Variants in KCNQ2 observed in about 807,000 individuals in gnomAD.
KCNQ2 encodes the protein potassium voltage-gated channel subfamily Q member 2, also known as potassium voltage-gated channel subfamily KQT member 2.
KCNQ2 carries 14 observed loss-of-function variants against 84.8 expected under a neutral mutation model. That is an observed-to-expected ratio of 0.17 (90% CI 0.11 to 0.26). The LOEUF is 0.26. Ranked by LOEUF, KCNQ2 falls within the 10% of genes least tolerant of loss-of-function variation. The pLI, the probability that KCNQ2 is intolerant of heterozygous loss-of-function variation, is 1.00. For synonymous variants in KCNQ2, 599 were observed against 554.1 expected, an observed-to-expected ratio of 1.08 and a Z score of -1.14; for missense variants, 788 against 1,254.0, an observed-to-expected ratio of 0.63 and a Z score of 5.61.
At chr20:63,420,583 G>A (rs2080437557) in intron 11 of KCNQ2, among the ~76,000 whole-genome samples, 1 of 151,890 alleles carries the variant, frequency 6.6e-6, no homozygotes, top group Non-Finnish European at 1.5e-5. Context: ...AAAGCACCCA[G>A]CCTCCCGTCT....
At chr20:63,454,406 C>T (rs1238300280) in intron 1 of KCNQ2, among the ~76,000 whole-genome samples, 9 of 152,210 alleles carry the variant, frequency 5.9e-5, no homozygotes, top group South Asian at 2.1e-4. Flanking sequence ...GGCAGAGAGA[C>T]GGACGTGCGA....
chr20:63,443,218 TGATCAC>T (rs2145757755), intron 4 of KCNQ2, among the ~76,000 whole-genome samples: 1 of 54,176 alleles, frequency 1.8e-5, no homozygotes, highest in South Asian at 6.9e-4. Context: ...ACCACCACCA[TGATCAC>T]CACCATCACC....
In KCNQ2 at chr20:63,429,116, G is replaced by T. The variant is rs920442280; in HGVS notation, c.1149-681C>A. 2.6e-5 allele frequency among the ~76,000 whole-genome samples: 4 copies of T among 151,698 alleles called. No individual in the cohort carries two copies. In the East Asian group the frequency reaches 5.9e-4, roughly 22 times the overall value. On this transcript the variant is annotated intron_variant, in intron 9 of 16. Transcript: ENST00000359125. The stretch of plus-strand genomic sequence containing the variant: ...GGGCCCGCCGAAGCCCCCCAGGCAG[G>T]TATGCAGGCACCTCCTCACGTCTGG...
intron 12 of KCNQ2, among the ~76,000 whole-genome samples, chr20:63,415,545 C>G (rs1325992641): frequency 6.7e-6 from 1 of 149,196 alleles, no homozygotes; most frequent in South Asian, 2.2e-4. Flanking sequence ...AGACACTGAG[C>G]ACCCGGCGGG....
At chr20:63,426,036 T>C (rs897046444) in intron 10 of KCNQ2, among the ~76,000 whole-genome samples, 1 of 152,206 alleles carries the variant, frequency 6.6e-6, no homozygotes, top group Non-Finnish European at 1.5e-5. Context: ...CGCCGGCCTC[T>C]GCGGGAGCCT....
chr20:63,406,513 C>T lies in KCNQ2; in HGVS notation c.*131G>A, dbSNP rs1165149322. 113 of 1,132,852 alleles carry T rather than the reference C, an allele frequency of 1.0e-4. 1 individual carries two copies. The South Asian group carries it at 1.8e-3, about 18-fold the overall frequency. The allele number at this position is 1,132,852 out of a possible 1,614,324, so 70.2% of individuals were successfully genotyped here. ...CCCCCATCCTTCAGCCCACATGGGC[C>T]CCTCCAGGGCCCACCCTTCCCGCCA... On this transcript the variant is annotated 3_prime_UTR_variant, in exon 17 of 17. Transcript: ENST00000359125.
chr20:63,443,410 CACCAT>C (rs2081311539), intron 4 of KCNQ2, among the ~76,000 whole-genome samples: 1 of 55,362 alleles, frequency 1.8e-5, no homozygotes, highest in Non-Finnish European at 4.3e-5. Context: ...TCACCACCAT[CACCAT>C]CACCACCATC....
At chr20:63,469,227 C>T (rs1168613241) in intron 1 of KCNQ2, among the ~76,000 whole-genome samples, 1 of 152,210 alleles carries the variant, frequency 6.6e-6, no homozygotes, top group East Asian at 1.9e-4. Flanking sequence ...TCTGCTAGTT[C>T]GGGCCATTTC....
rs1289849663 is a variant in KCNQ2 at position 63,405,030 on chromosome 20, G to T, written c.*1614C>A. ...GCTCCCCGAACACCCTGAGCGCCAG[G>T]ACCCCCACCAGCCAGGGGCGTACGA... On this transcript the variant is annotated 3_prime_UTR_variant, in exon 17 of 17. Transcript: ENST00000359125. 1 of 152,330 alleles carries T rather than the reference G, an allele frequency of 6.6e-6. No homozygotes were observed. Among genetic ancestry groups the T allele is most frequent in the Admixed American group, 6.5e-5 (1 of 15,284 alleles). 9.4% of individuals were successfully genotyped at this position (152,330 alleles called of 1,614,324 possible).
chr20:63,445,634 C>CCGGGCTAGGGGACCCTGTCTGAGCTG, intron 2 of KCNQ2: 2 of 442,990 alleles, frequency 4.5e-6, no homozygotes, highest in Non-Finnish European at 4.1e-6. Flanking sequence ...GGGACTCTAT[C>CCGGGCTAGGGGACCCTGTCTGAGCTG]TGGGCTAGGG....
intron 11 of KCNQ2, among the ~76,000 whole-genome samples, chr20:63,420,727 C>T (rs1462001734): frequency 6.6e-6 from 1 of 152,118 alleles, no homozygotes; most frequent in African/African-American, 2.4e-5. Flanking sequence ...GGGCTCTGGA[C>T]CCTTCCCCAA....
Position 63,419,568 on chromosome 20 carries a change from G to A in KCNQ2, c.1301+51C>T, listed in dbSNP as rs1300228964. ...CAGAACCTCTAGTAAGCAGGGAGGG[G>A]CAGAGGAGCCGTGCAGCAGCCGTCA... On this transcript the variant is annotated intron_variant, in intron 12 of 16. Coordinates refer to ENST00000359125, the MANE Select transcript of KCNQ2 (RefSeq NM_172107.4). 6 of 1,554,032 alleles carry A rather than the reference G, an allele frequency of 3.9e-6. No individual in the cohort carries two copies. In the Admixed American group the frequency reaches 7.5e-5, roughly 19 times the overall value.
At position 63,406,890 on chromosome 20, in the gene KCNQ2, C is replaced by T. The variant is rs749958721; in HGVS notation, c.2373G>A (p.Pro791=). ...GCTCCAGCTCCTCGTGGTCCACGGA[C>T]GGGATGGAGATGGACGTGTCGCTGT... ...LRDSDTSISI[P]SVDHEELERS... Residue 791 remains proline (P), a synonymous_variant, in exon 17 of 17, where the codon CCG becomes CCA. Transcript: ENST00000359125. The T allele has an allele frequency of 1.6e-5, 26 of 1,611,652 alleles. No homozygotes were observed. Among genetic ancestry groups the T allele is most frequent in the African/African-American group, 6.7e-5 (5 of 74,934 alleles).
intron 7 of KCNQ2, among the ~76,000 whole-genome samples, chr20:63,435,142 C>T (rs2080955721): frequency 6.6e-6 from 1 of 152,182 alleles, no homozygotes; most frequent in Non-Finnish European, 1.5e-5. Context: ...AGGCTCACAA[C>T]ACCTTGGAGG....
Position 63,460,512 on chromosome 20 carries a change from T to G in KCNQ2, c.296+11656A>C, listed in dbSNP as rs1325772756. ...TCCCAAGCAGGCCAGTGCCCTCAGC[T>G]GGTCCACGGCTCACAGCTCCAGTCC... is the stretch of plus-strand genomic sequence containing the variant. On this transcript the variant is annotated intron_variant, in intron 1 of 16. Transcript: ENST00000359125. This position sits in a 1 kb window ranked among gnomAD's most constrained non-coding sequence, Gnocchi z 5.4. Among the ~76,000 whole-genome samples, 1 of 143,268 alleles carries G rather than the reference T, an allele frequency of 7.0e-6. No individual in the cohort carries two copies. The highest frequency in any genetic ancestry group is 2.7e-5 in the African/African-American group (1 of 37,156). 94.0% of individuals were successfully genotyped at this position (143,268 alleles called of 152,430 possible).
At chr20:63,428,130 C>T (rs1480552183) in intron 10 of KCNQ2, among the ~76,000 whole-genome samples, 1 of 152,216 alleles carries the variant, frequency 6.6e-6, no homozygotes, top group East Asian at 1.9e-4. Context: ...CCATATCAAC[C>T]TTCGCCCCTC....
chr20:63,426,275 T>C (rs1601609475), intron 10 of KCNQ2, among the ~76,000 whole-genome samples: 1 of 152,344 alleles, frequency 6.6e-6, no homozygotes, highest in East Asian at 1.9e-4. Flanking sequence ...CTGCACATCC[T>C]TCCCGATAGC....
At chr20:63,467,804 C>T (rs1027271800) in intron 1 of KCNQ2, among the ~76,000 whole-genome samples, 6 of 152,230 alleles carry the variant, frequency 3.9e-5, no homozygotes, top group Admixed American at 2.0e-4. Flanking sequence ...AGGATTCCCA[C>T]GTGGTCAGCA....
intron 1 of KCNQ2, among the ~76,000 whole-genome samples, chr20:63,467,328 C>G (rs1234153264): frequency 1.3e-5 from 2 of 152,258 alleles, no homozygotes; most frequent in African/African-American, 4.8e-5. Flanking sequence ...TCTCCCCACA[C>G]TGGAAGCAGC....
Sources: gnomAD v4.1 joint callset for allele counts (sites outside exome capture counted in the v4.1 genomes callset) on GRCh38, gnomAD v4.1.1 for gene constraint, Gnocchi (gnomAD v3.1) non-coding constraint, MANE v1.5 for transcripts, NCBI Gene and HGNC (gene_info 2026-07-23, HGNC 2026-07-21) for gene names.